Variants in SGK3 observed in about 807,000 individuals in gnomAD.
The protein encoded by SGK3 is serine/threonine-protein kinase Sgk3.
In SGK3, 47 loss-of-function variants were observed where a neutral mutation model predicts 68.5. The ratio of observed to expected loss-of-function variants is 0.69; its 90% CI spans 0.54 to 0.87. The LOEUF is 0.87. Ranked by LOEUF, SGK3 falls within the 40% of genes least tolerant of loss-of-function variation. SGK3 has a pLI of 0.00. For missense variants in SGK3, 479 were observed against 575.5 expected (o/e 0.83, Z 1.72); for synonymous variants, 181 against 189.1 (o/e 0.96, Z 0.35).
At position 66,836,802 on chromosome 8, in the gene SGK3, C is replaced by T. The variant is rs1469637065; in HGVS notation, c.741+728C>T. ...TTTTTTTTTTTTTTTTTTGAGACAG[C>T]GTCTCACTCTGTCACCCAGGCTGGA... On this transcript the variant is annotated intron_variant, in intron 10 of 16. Coordinates refer to ENST00000521198, the MANE Select transcript of SGK3 (RefSeq NM_001033578.3). Among the ~76,000 whole-genome samples, 3 of 131,106 alleles carry T rather than the reference C, an allele frequency of 2.3e-5. No homozygotes were observed. The South Asian group carries it at 7.1e-4, about 31-fold the overall frequency. The allele number at this position is 131,106 out of a possible 152,430, so 86.0% of individuals were successfully genotyped here. A position where few individuals can be genotyped will look rare whatever the true frequency, so the allele number is the denominator to read the frequency against.
intron 5 of SGK3, among the ~76,000 whole-genome samples, chr8:66,818,319 AAAG>A (rs762662466): frequency 1.3e-5 from 2 of 152,240 alleles, no homozygotes; most frequent in East Asian, 1.9e-4. Context: ...AATGGTTCAC[AAAG>A]AAGGACACAG....
At chr8:66,774,311 C>T (rs1291555755) in intron 1 of SGK3, among the ~76,000 whole-genome samples, 2 of 152,038 alleles carry the variant, frequency 1.3e-5, no homozygotes, top group Admixed American at 6.6e-5. Flanking sequence ...CCTTTGTTTC[C>T]CTGCCATATT....
chr8:66,742,306 T>TC (rs1805504653), intron 1 of SGK3, among the ~76,000 whole-genome samples: 7 of 152,220 alleles, frequency 4.6e-5, no homozygotes, highest in African/African-American at 1.4e-4. Flanking sequence ...TGAACTTCAT[T>TC]TGGTTCACTG....
intron 1 of SGK3, among the ~76,000 whole-genome samples, chr8:66,758,036 A>ACACACACACACACC (rs1448552273): frequency 6.8e-6 from 1 of 146,952 alleles, no homozygotes. Context: ...ACACACACAC[A>ACACACACACACACC]CCCTTTACAT....
At chr8:66,720,781 T>TTATATATA (rs758419858) in intron 1 of SGK3, among the ~76,000 whole-genome samples, 8,989 of 145,700 alleles carry the variant, frequency 0.062, 744 homozygotes, top group African/African-American at 0.18. Context: ...AAAAAAAAAA[T>TTATATATA]TATATATATA....
At chr8:66,748,658 C>T (rs1805718293) in intron 1 of SGK3, among the ~76,000 whole-genome samples, 1 of 152,136 alleles carries the variant, frequency 6.6e-6, no homozygotes. Context: ...TTCACATTTC[C>T]TTCTAACACC....
intron 4 of SGK3, among the ~76,000 whole-genome samples, chr8:66,811,371 T>C (rs1287033720): frequency 2.0e-5 from 3 of 152,200 alleles, no homozygotes; most frequent in Non-Finnish European, 4.4e-5. Context: ...TACATTCATG[T>C]AACTTCTTCA....
intron 1 of SGK3, among the ~76,000 whole-genome samples, chr8:66,759,987 A>G (rs990213924): frequency 6.6e-6 from 1 of 152,138 alleles, no homozygotes; most frequent in Admixed American, 6.6e-5. Context: ...CCACCATTCA[A>G]TCTACTACAA....
intron 1 of SGK3, among the ~76,000 whole-genome samples, chr8:66,779,599 T>A (rs28701775): frequency 2.0e-4 from 21 of 106,200 alleles, no homozygotes; most frequent in Admixed American, 8.6e-4. Flanking sequence ...TATATATATA[T>A]ATAAAACACA....
At chr8:66,793,416 A>G (rs1807546023) in intron 1 of SGK3, among the ~76,000 whole-genome samples, 200 bp from the exon 2 acceptor site, 1 of 152,128 alleles carries the variant, frequency 6.6e-6, no homozygotes, top group South Asian at 2.1e-4. Flanking sequence ...TCCTAATAGT[A>G]AGAAAGGTAG....
At chr8:66,748,820 C>T (rs750053516) in intron 1 of SGK3, among the ~76,000 whole-genome samples, 4 of 152,142 alleles carry the variant, frequency 2.6e-5, no homozygotes, top group Non-Finnish European at 4.4e-5. Flanking sequence ...CTTGTCATGT[C>T]AGAGTTGGCC....
intron 1 of SGK3, among the ~76,000 whole-genome samples, chr8:66,773,353 G>C (rs907287896): frequency 2.0e-5 from 3 of 152,194 alleles, no homozygotes; most frequent in Non-Finnish European, 2.9e-5. Context: ...TGAGGACTGA[G>C]AGGGAAGAGT....
In SGK3 at chr8:66,840,065, T is replaced by C. The variant is rs1362380954; in HGVS notation, c.804T>C (p.Ala268=). ...AGCACAGAGCTAGGTTTTACGCTGC[T>C]GAAATTGCTAGTGCATTGGGTTACT... ...FPEHRARFYA[A]EIASALGYLH... The change falls in exon 11 of 17, where the codon GCT becomes GCC. Residue 268 remains alanine, a synonymous_variant. Coordinates refer to ENST00000521198, the MANE Select transcript of SGK3 (RefSeq NM_001033578.3). 1 of 1,614,002 alleles carries C rather than the reference T, an allele frequency of 6.2e-7. No individual in the cohort carries two copies. Among genetic ancestry groups the C allele is most frequent in the African/African-American group, 1.3e-5 (1 of 74,936 alleles).
chr8:66,824,062 G>C (rs995833384), intron 6 of SGK3, among the ~76,000 whole-genome samples: 1 of 152,018 alleles, frequency 6.6e-6, no homozygotes, highest in Non-Finnish European at 1.5e-5. Context: ...TTTGAAAAAA[G>C]ACATATTCCT....
At chr8:66,750,228 T>C (rs1805773456) in intron 1 of SGK3, among the ~76,000 whole-genome samples, 1 of 152,156 alleles carries the variant, frequency 6.6e-6, no homozygotes, top group Non-Finnish European at 1.5e-5. Flanking sequence ...CCTTTGTACA[T>C]ATCTGGAAAT....
At chr8:66,738,982 C>T (rs1014105285) in intron 1 of SGK3, among the ~76,000 whole-genome samples, 5 of 152,118 alleles carry the variant, frequency 3.3e-5, no homozygotes, top group Admixed American at 6.6e-5. Context: ...ACCCTTCATA[C>T]GCTGCCTCCC....
chr8:66,830,973 T>G (rs562428616), intron 7 of SGK3, among the ~76,000 whole-genome samples: 31 of 152,340 alleles, frequency 2.0e-4, no homozygotes, highest in African/African-American at 7.2e-4. Flanking sequence ...GATATGCATA[T>G]ATCCTTTTCT....
At chr8:66,826,568 A>G (rs1274192087) in intron 6 of SGK3, among the ~76,000 whole-genome samples, 3 of 152,230 alleles carry the variant, frequency 2.0e-5, no homozygotes, top group Non-Finnish European at 2.9e-5. Flanking sequence ...TATAGGTATA[A>G]CAACAGGAAA....
At chr8:66,738,068 C>T (rs1304066135) in intron 1 of SGK3, among the ~76,000 whole-genome samples, 1 of 152,026 alleles carries the variant, frequency 6.6e-6, no homozygotes, top group Non-Finnish European at 1.5e-5. Flanking sequence ...GTCCCACCCC[C>T]ACATTTTCAC....
Sources: allele counts gnomAD v4.1 joint callset (sites outside exome capture counted in the v4.1 genomes callset), GRCh38; gene constraint gnomAD v4.1.1; transcripts MANE v1.5; gene names NCBI Gene and HGNC (gene_info 2026-07-23, HGNC 2026-07-21).